Variants in FRMD6 observed in about 807,000 individuals in gnomAD.
The protein encoded by FRMD6 is FERM domain-containing protein 6.
FRMD6 carries 37 observed loss-of-function variants against 73.2 expected under a neutral mutation model. The observed-to-expected ratio is 0.51, with a 90% CI of 0.39 to 0.66. FRMD6 has a LOEUF of 0.66. Among genes scored for constraint, FRMD6 ranks in the 30% least tolerant of loss-of-function variants. The pLI, the probability that FRMD6 is intolerant of heterozygous loss-of-function variation, is 0.00. For missense variants in FRMD6, 714 were observed against 780.5 expected (o/e 0.91, Z 1.02); for synonymous variants, 273 against 282.2 (o/e 0.97, Z 0.33).
rs987564133 is a variant in FRMD6 at position 51,729,328 on chromosome 14, A to G, written c.*1299A>G. 2 of 152,554 alleles carry G rather than the reference A, an allele frequency of 1.3e-5. No individual in the cohort carries two copies. The highest frequency in any genetic ancestry group is 2.9e-5 in the Non-Finnish European group (2 of 68,038). 9.5% of individuals were successfully genotyped at this position (152,554 alleles called of 1,614,324 possible). A position where few individuals can be genotyped will look rare whatever the true frequency, so the allele number is the denominator to read the frequency against. On this transcript the variant is annotated 3_prime_UTR_variant, in exon 14 of 14. Transcript: ENST00000344768. ...GGGGTGTCTTGTTAATTTTGAAGTA[A>G]AAGTGTACAGAAGACGTAGTGTATG... is the stretch of plus-strand genomic sequence containing the variant.
rs184562780 is a variant in FRMD6, at chr14:51,707,448, T to C, written c.559-630T>C. 3.3e-5 allele frequency among the ~76,000 whole-genome samples: 5 copies of C among 152,308 alleles called. No homozygotes were observed. The East Asian group carries it at 9.6e-4, about 29-fold the overall frequency. On this transcript the variant is annotated intron_variant, in intron 6 of 13. Transcript: ENST00000344768. The stretch of plus-strand genomic sequence containing the variant: ...CTTAGCCTGCAGCTGCTGGATACTA[T>C]ATATTTGACATCTGAAAGCCCAGAG...
the FRMD6 span, among the ~76,000 whole-genome samples, chr14:51,478,815 T>C: frequency 6.6e-6 from 1 of 152,258 alleles, no homozygotes; most frequent in East Asian, 1.9e-4. Flanking sequence ...GGATGCTATC[T>C]TTAGCCTAAA....
At chr14:51,668,286 A>T (rs865784659) in intron 1 of FRMD6, among the ~76,000 whole-genome samples, 6 of 152,246 alleles carry the variant, frequency 3.9e-5, no homozygotes, top group South Asian at 2.1e-4. Context: ...GATACTAAGG[A>T]CGGTTGCTTG....
chr14:51,504,231 G>A (rs1335046654), intron 1 of FRMD6, among the ~76,000 whole-genome samples: 1 of 152,186 alleles, frequency 6.6e-6, no homozygotes, highest in Non-Finnish European at 1.5e-5. Flanking sequence ...AGTTGCCTTG[G>A]TTTTTACCAT....
chr14:51,601,435 G>A (rs548707329), intron 2 of FRMD6, among the ~76,000 whole-genome samples: 1 of 152,234 alleles, frequency 6.6e-6, no homozygotes, highest in South Asian at 2.1e-4. Flanking sequence ...AGGAAATGCT[G>A]TCACATCAAC....
chr14:51,686,115 A>G (rs1389459517), intron 1 of FRMD6, among the ~76,000 whole-genome samples: 1 of 152,022 alleles, frequency 6.6e-6, no homozygotes, highest in East Asian at 1.9e-4. Context: ...ATATGAGACT[A>G]TATTATGTGG....
At chr14:51,462,863 A>T in the FRMD6 span, among the ~76,000 whole-genome samples, 1 of 152,062 alleles carries the variant, frequency 6.6e-6, no homozygotes, top group Non-Finnish European at 1.5e-5. Context: ...TGAACTAAAA[A>T]CCCAGAGGCT....
At chr14:51,450,570 A>G in the FRMD6 span, among the ~76,000 whole-genome samples, 1 of 152,210 alleles carries the variant, frequency 6.6e-6, no homozygotes, top group Non-Finnish European at 1.5e-5. Context: ...TAAGATGGTA[A>G]CAGGTGCTCT....
intron 1 of FRMD6, among the ~76,000 whole-genome samples, chr14:51,527,324 T>A (rs1273205162): frequency 1.3e-5 from 2 of 152,226 alleles, no homozygotes; most frequent in Non-Finnish European, 2.9e-5. Context: ...AACATATTCC[T>A]CAGGACAACA....
At chr14:51,525,699 G>C (rs988602623) in intron 1 of FRMD6, among the ~76,000 whole-genome samples, 3 of 152,080 alleles carry the variant, frequency 2.0e-5, no homozygotes, top group African/African-American at 7.2e-5. Context: ...TGTGTTAATT[G>C]CATCACCATA....
intron 7 of FRMD6, among the ~76,000 whole-genome samples, chr14:51,710,368 A>C (rs1049899791): frequency 1.3e-5 from 2 of 152,070 alleles, no homozygotes; most frequent in African/African-American, 4.8e-5. Context: ...TGGAAAAAAA[A>C]CCCGTTTTGT....
rs192742351 is a variant in FRMD6, at chr14:51,669,055, A to G, written c.-147+17059A>G. Among the ~76,000 whole-genome samples, 420 of 152,358 alleles carry G rather than the reference A, an allele frequency of 2.8e-3. 3 individuals are homozygous for G. Among genetic ancestry groups the G allele is most frequent in the Middle Eastern group, 6.8e-3 (2 of 294 alleles). On this transcript the variant is annotated intron_variant, in intron 1 of 13. Coordinates refer to ENST00000344768, the MANE Select transcript of FRMD6 (RefSeq NM_001267046.2). ...TAATTTGATGAGTTTTGACAAATGT[A>G]TATATCATCATGTAACCAGCACTGC...
At chr14:51,511,960 A>G (rs1223960860) in intron 1 of FRMD6, among the ~76,000 whole-genome samples, 1 of 152,224 alleles carries the variant, frequency 6.6e-6, no homozygotes, top group Non-Finnish European at 1.5e-5. Context: ...AGTTATAATA[A>G]TTAAATGACA....
rs148802832 is a variant in FRMD6, at chr14:51,666,926, G to A, written c.-147+14930G>A. ...GAGGCAAGCGCTTTGCTGGAGCCCC[G>A]AAGTTTGAGACCAGCTTGGGCAACA... On this transcript the variant is annotated intron_variant, in intron 1 of 13. Coordinates refer to ENST00000344768, the MANE Select transcript of FRMD6 (RefSeq NM_001267046.2). Among the ~76,000 whole-genome samples, 797 of 152,282 alleles carry A rather than the reference G, an allele frequency of 5.2e-3. 3 individuals carry two copies. Among genetic ancestry groups the A allele is most frequent in the Middle Eastern group, 0.014 (4 of 294 alleles).
chr14:51,565,127 C>T (rs1229515729), intron 1 of FRMD6: 1 of 152,216 alleles, frequency 6.6e-6, no homozygotes. Context: ...CTCAGGGCCT[C>T]CTCCCTTTGT....
chr14:51,633,238 G>C (rs886338829), intron 2 of FRMD6, among the ~76,000 whole-genome samples: 2 of 151,498 alleles, frequency 1.3e-5, no homozygotes, highest in African/African-American at 4.8e-5. Context: ...AAACTCTCTG[G>C]AGATTAAGCC....
intron 2 of FRMD6, among the ~76,000 whole-genome samples, chr14:51,585,479 T>C (rs1022341044): frequency 6.6e-6 from 1 of 152,150 alleles, no homozygotes; most frequent in East Asian, 1.9e-4. Context: ...TTATAAATTG[T>C]CTGCTTCTGA....
intron 7 of FRMD6, among the ~76,000 whole-genome samples, chr14:51,710,568 A>G (rs1896887744): frequency 6.6e-6 from 1 of 152,176 alleles, no homozygotes; most frequent in Non-Finnish European, 1.5e-5. Context: ...TACTAGTTGG[A>G]AAGAAACAGC....
chr14:51,455,790 G>A, the FRMD6 span, among the ~76,000 whole-genome samples: 5 of 152,286 alleles, frequency 3.3e-5, no homozygotes, highest in Admixed American at 6.5e-5. Context: ...TGGGGAGGAG[G>A]CAGTAAAGGG....
Sources: allele counts gnomAD v4.1 joint callset (sites outside exome capture counted in the v4.1 genomes callset), GRCh38; gene constraint gnomAD v4.1.1; transcripts MANE v1.5; gene names NCBI Gene and HGNC (gene_info 2026-07-23, HGNC 2026-07-21).